ATP6V1E2: variants seen among roughly 807,000 people sequenced by gnomAD.
ATP6V1E2 encodes V-type proton ATPase subunit E 2.
For synonymous variants in ATP6V1E2, 121 were observed against 104.2 expected, an observed-to-expected ratio of 1.16 and a Z score of -0.98; for missense variants, 308 against 273.3, an observed-to-expected ratio of 1.13 and a Z score of -0.90.
chr2:46,527,415 G>A (rs1666976126), intron 4 of ATP6V1E2, among the ~76,000 whole-genome samples: 1 of 152,110 alleles, frequency 6.6e-6, no homozygotes, highest in Non-Finnish European at 1.5e-5. Flanking sequence ...TAGAGACAGG[G>A]TTTCACCATG....
At chr2:46,542,088 A>T (rs992387275) in intron 1 of ATP6V1E2, 129 bp downstream of exon 1, 1 of 151,972 alleles carries the variant, frequency 6.6e-6, no homozygotes, top group African/African-American at 2.4e-5. Flanking sequence ...AAATGATTAA[A>T]GCTCGTGCTA....
In ATP6V1E2 at chr2:46,530,556, A is replaced by ATTTTATCT. The variant is rs1667133803; in HGVS notation, c.-102+5256_-102+5257insAGATAAAA. Among the ~76,000 whole-genome samples the ATTTTATCT allele has an allele frequency of 6.6e-6, 1 of 152,188 alleles. No individual in the cohort carries two copies. Among genetic ancestry groups the ATTTTATCT allele is most frequent in the Non-Finnish European group, 1.5e-5 (1 of 68,034 alleles). On this transcript the variant is annotated intron_variant, in intron 4 of 4. Coordinates refer to ENST00000522587, the MANE Select transcript of ATP6V1E2 (RefSeq NM_001318063.2). The surrounding 1 kb of genome is among the most constrained non-coding windows in gnomAD (Gnocchi z 5.2). Reference sequence around the variant, plus strand: ...ATGATATAATTATCAGTATGGCTGGATTTAAGTCTTTTATCTTGCTATTTG... The same window carrying ATTTTATCT: ...ATGATATAATTATCAGTATGGCTGGATTTTATCTTTTAAGTCTTTTATCTTGCTATTTG...
intron 4 of ATP6V1E2, among the ~76,000 whole-genome samples, chr2:46,520,853 CT>C (rs545300296): frequency 3.4e-4 from 51 of 148,554 alleles, no homozygotes; most frequent in Admixed American, 1.5e-3. Context: ...GGAAGGGAGG[CT>C]TTTTTTTTTC....
chr2:46,526,983 A>G (rs1666953897), intron 4 of ATP6V1E2, among the ~76,000 whole-genome samples: 1 of 152,106 alleles, frequency 6.6e-6, no homozygotes, highest in Non-Finnish European at 1.5e-5. Flanking sequence ...GCACTATTTT[A>G]CAGTTCACAG....
chr2:46,513,298 T>C (rs1687564302), intron 4 of ATP6V1E2, among the ~76,000 whole-genome samples: 1 of 152,070 alleles, frequency 6.6e-6, no homozygotes, highest in Non-Finnish European at 1.5e-5. Context: ...AAGCGGAAAA[T>C]GGCACCTTGG....
chr2:46,525,157 A>T (rs2103880362), intron 4 of ATP6V1E2, among the ~76,000 whole-genome samples: 1 of 152,294 alleles, frequency 6.6e-6, no homozygotes, highest in South Asian at 2.1e-4. Context: ...AGAGCAGCTC[A>T]GCTTGGGGTG....
At chr2:46,514,595 A>G (rs1360147105) in intron 4 of ATP6V1E2, among the ~76,000 whole-genome samples, 1 of 152,212 alleles carries the variant, frequency 6.6e-6, no homozygotes, top group African/African-American at 2.4e-5. Flanking sequence ...ATTTGAAATT[A>G]TCCAGTCAAA....
intron 3 of ATP6V1E2, 80 bp from the exon 4 acceptor site, chr2:46,536,007 G>A (rs774382016): frequency 5.3e-5 from 8 of 152,150 alleles, no homozygotes; most frequent in Non-Finnish European, 8.8e-5. Context: ...CCTATGAGAG[G>A]AGACCACTCC....
At chr2:46,520,670 G>C (rs1396173361) in intron 4 of ATP6V1E2, among the ~76,000 whole-genome samples, 2 of 152,194 alleles carry the variant, frequency 1.3e-5, no homozygotes, top group Non-Finnish European at 2.9e-5. Context: ...CCAAATGACA[G>C]CATGGTCTGT....
chr2:46,525,069 C>G (rs540737415), intron 4 of ATP6V1E2, among the ~76,000 whole-genome samples: 11 of 152,070 alleles, frequency 7.2e-5, no homozygotes. Context: ...GACAAGGCAT[C>G]GCGATTGGAA....
intron 4 of ATP6V1E2, among the ~76,000 whole-genome samples, chr2:46,518,139 T>C (rs891310239): frequency 1.3e-5 from 2 of 152,200 alleles, no homozygotes; most frequent in Non-Finnish European, 2.9e-5. Flanking sequence ...GTGTGGTGTA[T>C]ACATAAAATG....
At chr2:46,519,166 G>A (rs41281471) in intron 4 of ATP6V1E2, 7,490 of 152,290 alleles carry the variant, frequency 0.049, 504 homozygotes, top group African/African-American at 0.15. Context: ...CTTGGCACCC[G>A]GGGCCATGAC....
At chr2:46,532,198 A>T (rs1396900160) in intron 4 of ATP6V1E2, among the ~76,000 whole-genome samples, 1 of 152,052 alleles carries the variant, frequency 6.6e-6, no homozygotes. Flanking sequence ...ATATGTTGAG[A>T]GGGAAAGATC....
intron 4 of ATP6V1E2, among the ~76,000 whole-genome samples, chr2:46,527,555 A>G (rs1666985268): frequency 6.6e-6 from 1 of 152,018 alleles, no homozygotes. Context: ...TTGTAGAGGA[A>G]GGAGTCTCAC....
At position 46,512,932 on chromosome 2, in the gene ATP6V1E2, A is replaced by G. The variant is rs548857407; in HGVS notation, c.-101-120T>C. On this transcript the variant is annotated intron_variant, in intron 4 of 4. Coordinates refer to ENST00000522587, the MANE Select transcript of ATP6V1E2 (RefSeq NM_001318063.2). ...AAATTGAGGTCCAGAGAAGGAACAC[A>G]ATTTATCTAAGGTTATACTCTAGAA... is the stretch of plus-strand genomic sequence containing the variant. 1.9e-4 allele frequency: 98 copies of G among 505,960 alleles called. 1 individual carries two copies. The highest frequency in any genetic ancestry group is 1.7e-3 in the African/African-American group (90 of 51,790). 31.3% of individuals were successfully genotyped at this position (505,960 alleles called of 1,614,324 possible). A position where few individuals can be genotyped will look rare whatever the true frequency, so the allele number is the denominator to read the frequency against.
intron 4 of ATP6V1E2, among the ~76,000 whole-genome samples, chr2:46,518,475 TACACACACACACACAACAC>T (rs1189778064): frequency 2.8e-5 from 3 of 105,612 alleles, no homozygotes; most frequent in African/African-American, 1.1e-4. Flanking sequence ...AAACATTTGT[TACACACACACACACAACAC>T]ACACACACAC....
chr2:46,541,858 C>T (rs1423783237), intron 1 of ATP6V1E2: 1 of 152,330 alleles, frequency 6.6e-6, no homozygotes, highest in African/African-American at 2.4e-5. Flanking sequence ...AGTTTCAGAG[C>T]ACTAGTGTGT....
chr2:46,525,458 T>A (rs1368820696), intron 4 of ATP6V1E2, among the ~76,000 whole-genome samples: 1 of 67,696 alleles, frequency 1.5e-5, no homozygotes, highest in African/African-American at 5.2e-5. Flanking sequence ...CGAGACTCCG[T>A]CTCAAAAAAA....
intron 4 of ATP6V1E2, among the ~76,000 whole-genome samples, chr2:46,513,779 C>T (rs1479145187): frequency 1.3e-5 from 2 of 151,844 alleles, no homozygotes; most frequent in Admixed American, 1.3e-4. Flanking sequence ...GAGCTGAGAT[C>T]GCGCCACTGT....
Sources: allele counts gnomAD v4.1 joint callset (sites outside exome capture counted in the v4.1 genomes callset), GRCh38; gene constraint gnomAD v4.1.1; non-coding constraint Gnocchi (gnomAD v3.1); transcripts MANE v1.5; gene names NCBI Gene and HGNC (gene_info 2026-07-23, HGNC 2026-07-21).